PRKAG2: variants seen among roughly 807,000 people sequenced by gnomAD.
PRKAG2 encodes the protein 5'-AMP-activated protein kinase subunit gamma-2.
In PRKAG2, 26 loss-of-function variants were observed where a neutral mutation model predicts 69.6. The ratio of observed to expected loss-of-function variants is 0.37; its 90% CI spans 0.27 to 0.52. The LOEUF (loss-of-function observed/expected upper bound fraction) is 0.52, where lower values mean the gene tolerates loss of function less well. Ranked by LOEUF, PRKAG2 falls within the 20% of genes least tolerant of loss-of-function variation. PRKAG2 has a pLI of 0.90. For synonymous variants in PRKAG2, 293 were observed against 285.0 expected, an observed-to-expected ratio of 1.03 and a Z score of -0.28; for missense variants, 557 against 740.0, an observed-to-expected ratio of 0.75 and a Z score of 2.87.
intron 3 of PRKAG2, among the ~76,000 whole-genome samples, chr7:151,679,406 A>G (rs62478167): frequency 0.36 from 54,964 of 151,900 alleles, 10,094 homozygotes; most frequent in Middle Eastern, 0.39. Context: ...TGCACCTAGG[A>G]CAGGCTATCT....
rs547857335 is a variant in PRKAG2, at chr7:151,800,228, G to C, written c.115-13687C>G. 3.9e-5 allele frequency among the ~76,000 whole-genome samples: 6 copies of C among 152,078 alleles called. No individual in the cohort carries two copies. In the South Asian group the frequency reaches 1.0e-3, roughly 26 times the overall value. On this transcript the variant is annotated intron_variant, in intron 1 of 15. Transcript: ENST00000287878. ...AAAAAATTAGCCAGGTGTGGTGGCG[G>C]GCACCTGTAGTCCAAGCTACTCGGG...
Position 151,719,430 on chromosome 7 carries a change from C to T in PRKAG2, c.467-43793G>A, listed in dbSNP as rs1025528060. ...CCATGCTCCCAACCCACCCCAAACC[C>T]GCCAGCACCCTCAGCCCCTGCCCTG... On this transcript the variant is annotated intron_variant, in intron 3 of 15. Transcript: ENST00000287878. The surrounding 1 kb of genome is among the most constrained non-coding windows in gnomAD (Gnocchi z 5.2). Among the ~76,000 whole-genome samples the T allele has an allele frequency of 5.9e-5, 9 of 152,264 alleles. No homozygotes were observed. Among genetic ancestry groups the T allele is most frequent in the African/African-American group, 9.6e-5 (4 of 41,568 alleles).
At chr7:151,613,570 T>G (rs2151228893) in intron 5 of PRKAG2, among the ~76,000 whole-genome samples, 1 of 152,118 alleles carries the variant, frequency 6.6e-6, no homozygotes, top group East Asian at 1.9e-4. Context: ...GGATCTAGGC[T>G]CACTGCAACC....
Position 151,781,002 on chromosome 7 carries a change from G to C in PRKAG2, c.466+150C>G. The C allele has an allele frequency of 9.8e-7, 1 of 1,015,358 alleles. No individual in the cohort carries two copies. Among genetic ancestry groups the C allele is most frequent in the Non-Finnish European group, 1.5e-6 (1 of 661,512 alleles). 62.9% of individuals were successfully genotyped at this position (1,015,358 alleles called of 1,614,324 possible). On this transcript the variant is annotated intron_variant, in intron 3 of 15. Coordinates refer to ENST00000287878, the MANE Select transcript of PRKAG2 (RefSeq NM_016203.4). This position sits in a 1 kb window ranked among gnomAD's most constrained non-coding sequence, Gnocchi z 6.1. The stretch of plus-strand genomic sequence containing the variant: ...TTCTGGAGAGAGATTTGTTTAGGGG[G>C]AAGTGGGGGTGGGGAGAAACAGATA...
chr7:151,681,119 A>G (rs900560153), intron 3 of PRKAG2, among the ~76,000 whole-genome samples: 2 of 152,188 alleles, frequency 1.3e-5, no homozygotes, highest in African/African-American at 4.8e-5. Context: ...GTCCCCTTGC[A>G]GGCCACCCCC....
At chr7:151,682,429 G>A (rs1834017151) in intron 3 of PRKAG2, among the ~76,000 whole-genome samples, 1 of 152,042 alleles carries the variant, frequency 6.6e-6, no homozygotes, top group Admixed American at 6.6e-5. Flanking sequence ...TGTAGAGATG[G>A]CATCTTACTA....
chr7:151,558,074 C>T (rs5017429), intron 15 of PRKAG2: 746,421 of 983,648 alleles, frequency 0.76, 283,934 homozygotes, highest in East Asian at 0.99. Flanking sequence ...TCTATTAGAG[C>T]GTGTGGCTGA....
chr7:151,675,517 G>T lies in PRKAG2; in HGVS notation c.587C>A (p.Ser196Tyr). The T allele has an allele frequency of 6.2e-7, 1 of 1,614,198 alleles. No individual in the cohort carries two copies. Among genetic ancestry groups the T allele is most frequent in the Non-Finnish European group, 8.5e-7 (1 of 1,180,026 alleles). The change falls in exon 4 of 16, where the codon TCC becomes TAC. Residue 196 changes from serine (S) to tyrosine (Y), a missense_variant. Transcript: ENST00000287878. ...RLENRIYASS[S>Y]PPDTGQRFCP... ...GAACCTCTGCCCTGTGTCCGGGGGG[G>T]AAGACGAGGCATAGATGCGATTCTC...
chr7:151,745,527 C>T lies in PRKAG2; in HGVS notation c.466+35625G>A, dbSNP rs555891883. Among the ~76,000 whole-genome samples the T allele has an allele frequency of 4.6e-5, 7 of 152,284 alleles. No homozygotes were observed. In the South Asian group the frequency reaches 1.5e-3, roughly 32 times the overall value. ...AGCCCGACACACTCATGGTCATGCACAGCCTCGTGGTGACCACAGGAACTG... is the reference window on the plus strand; with the variant it reads ...AGCCCGACACACTCATGGTCATGCATAGCCTCGTGGTGACCACAGGAACTG... On this transcript the variant is annotated intron_variant, in intron 3 of 15. Coordinates refer to ENST00000287878, the MANE Select transcript of PRKAG2 (RefSeq NM_016203.4).
chr7:151,585,876 G>T (rs1338625808), intron 6 of PRKAG2, among the ~76,000 whole-genome samples: 1 of 152,224 alleles, frequency 6.6e-6, no homozygotes, highest in Non-Finnish European at 1.5e-5. Context: ...GGAAGGAGAC[G>T]GGTGGGCGGG....
intron 3 of PRKAG2, among the ~76,000 whole-genome samples, chr7:151,772,220 G>T (rs1046639038): frequency 4.6e-5 from 7 of 152,142 alleles, no homozygotes; most frequent in African/African-American, 1.7e-4. Context: ...TGTCTGGAGA[G>T]GCTGCCTGGG....
At chr7:151,559,026 G>C in intron 15 of PRKAG2, 1 of 985,438 alleles carries the variant, frequency 1.0e-6, no homozygotes, top group South Asian at 4.7e-5. Context: ...TGGAAACGGG[G>C]CATCTTTTTC....
At chr7:151,784,534 G>A (rs6953882) in intron 2 of PRKAG2, among the ~76,000 whole-genome samples, 100,406 of 152,044 alleles carry the variant, frequency 0.66, 36,128 homozygotes, top group East Asian at 0.86. Flanking sequence ...CAGAGACGCA[G>A]TGACAGGGCC....
intron 1 of PRKAG2, among the ~76,000 whole-genome samples, chr7:151,838,413 C>G (rs2079192517): frequency 1.3e-5 from 2 of 151,946 alleles, no homozygotes; most frequent in African/African-American, 4.8e-5. Context: ...ACAAGACCAC[C>G]AAGACAAGGG....
In PRKAG2 at chr7:151,813,723, C is replaced by T. The variant is rs367986204; in HGVS notation, c.115-27182G>A. Among the ~76,000 whole-genome samples the T allele has an allele frequency of 1.2e-4, 18 of 152,290 alleles. No homozygotes were observed. In the East Asian group the frequency reaches 2.7e-3, roughly 23 times the overall value. ...GTTCAGCCACTGAGGAGGCCATCTA[C>T]GATCTTCTCTTCCTTCCCTTCCTCT... is the stretch of plus-strand genomic sequence containing the variant. On this transcript the variant is annotated intron_variant, in intron 1 of 15. Transcript: ENST00000287878.
chr7:151,839,416 C>A (rs1162090098), intron 1 of PRKAG2, among the ~76,000 whole-genome samples: 1 of 152,170 alleles, frequency 6.6e-6, no homozygotes, highest in African/African-American at 2.4e-5. Flanking sequence ...CTCTTTAGGC[C>A]TCAGTTTCCC....
At chr7:151,804,387 C>T (rs1294874239) in intron 1 of PRKAG2, among the ~76,000 whole-genome samples, 1 of 152,166 alleles carries the variant, frequency 6.6e-6, no homozygotes, top group Non-Finnish European at 1.5e-5. Context: ...ATTTCTGCCA[C>T]GTGCAGACAG....
At chr7:151,741,613 G>A (rs2073897287) in intron 3 of PRKAG2, among the ~76,000 whole-genome samples, 1 of 151,140 alleles carries the variant, frequency 6.6e-6, no homozygotes, top group South Asian at 2.1e-4. Flanking sequence ...GGCAGAGGTT[G>A]CGATGAGCCG....
At chr7:151,729,926 G>A (rs1470417013) in intron 3 of PRKAG2, among the ~76,000 whole-genome samples, 1 of 152,170 alleles carries the variant, frequency 6.6e-6, no homozygotes, top group African/African-American at 2.4e-5. Context: ...CAAGGCAGAC[G>A]CAAAAGGACA....
Sources: gnomAD v4.1 joint callset for allele counts (sites outside exome capture counted in the v4.1 genomes callset) on GRCh38, gnomAD v4.1.1 for gene constraint, Gnocchi (gnomAD v3.1) non-coding constraint, MANE v1.5 for transcripts, NCBI Gene and HGNC (gene_info 2026-07-23, HGNC 2026-07-21) for gene names.